Variants in SHROOM4 observed in about 807,000 individuals in gnomAD.
The protein encoded by SHROOM4 is protein Shroom4.
Under a neutral mutation model 80.3 loss-of-function variants are expected in SHROOM4, and 17 were observed. That is an observed-to-expected ratio of 0.21 (90% CI 0.14 to 0.32). The LOEUF (loss-of-function observed/expected upper bound fraction) is 0.32. SHROOM4 is among the 10% of genes least tolerant of loss of function. SHROOM4 has a pLI of 1.00. For synonymous variants in SHROOM4, 400 were observed against 437.5 expected (o/e 0.91, Z 1.07); for missense variants, 993 against 1,140.3 (o/e 0.87, Z 1.86).
At chrX:50,803,619 T>C (rs1936171853) in intron 1 of SHROOM4, among the ~76,000 whole-genome samples, 1 of 111,950 alleles carries the variant, frequency 8.9e-6, no homozygotes. Context: ...CAGCCCACAA[T>C]GAAATCTCTT....
At chrX:50,738,173 G>A (rs1394614450) in intron 1 of SHROOM4, among the ~76,000 whole-genome samples, 1 of 110,783 alleles carries the variant, frequency 9.0e-6, no homozygotes, top group African/African-American at 3.3e-5. Context: ...TTGATGGGAC[G>A]TATCTCAAAA....
At chrX:50,582,491 C>T (rs1404444401), downstream of SHROOM4, among the ~76,000 whole-genome samples, 1 of 111,771 alleles carries the variant, frequency 8.9e-6, no homozygotes, top group Non-Finnish European at 1.9e-5. Context: ...CGGATTGTTC[C>T]CTCTCCTTCT....
chrX:50,651,976 T>G (rs183979134), intron 2 of SHROOM4, among the ~76,000 whole-genome samples: 1 of 111,759 alleles, frequency 8.9e-6, no homozygotes, highest in Non-Finnish European at 1.9e-5. Flanking sequence ...TTTATCCAGT[T>G]TATCATTGAT....
chrX:50,801,716 G>A (rs782619152), intron 1 of SHROOM4, among the ~76,000 whole-genome samples: 2 of 111,879 alleles, frequency 1.8e-5, no homozygotes, highest in South Asian at 3.8e-4. Context: ...CAGGGCTCAC[G>A]CAACAGAGGG....
chrX:50,706,107 T>G (rs1557263945), intron 1 of SHROOM4, among the ~76,000 whole-genome samples: 2 of 110,465 alleles, frequency 1.8e-5, no homozygotes, highest in African/African-American at 6.6e-5. Flanking sequence ...GTACTTACTA[T>G]TCTATCTGTT....
chrX:50,813,789 C>T (rs1936398680), intron 1 of SHROOM4, 113 bp downstream of exon 1: 1 of 557,722 alleles, frequency 1.8e-6, no homozygotes, highest in Non-Finnish European at 3.1e-6. Context: ...GGGTCTTTCG[C>T]TCCCAGCCCT....
intron 1 of SHROOM4, among the ~76,000 whole-genome samples, chrX:50,755,392 C>T: frequency 1.8e-5 from 2 of 112,126 alleles, no homozygotes; most frequent in Non-Finnish European, 3.8e-5. Context: ...GGCAATTACA[C>T]ACTTGTCATT....
At chrX:50,778,830 G>T (rs1161686233) in intron 1 of SHROOM4, among the ~76,000 whole-genome samples, 1 of 111,709 alleles carries the variant, frequency 9.0e-6, no homozygotes, top group Non-Finnish European at 1.9e-5. Flanking sequence ...GAGCTTGCCA[G>T]CCTGAGATCA....
At chrX:50,746,522 T>C (rs1934776308) in intron 1 of SHROOM4, among the ~76,000 whole-genome samples, 1 of 112,030 alleles carries the variant, frequency 8.9e-6, no homozygotes, top group South Asian at 3.8e-4. Context: ...CCCAAGTATA[T>C]GTTTCCAGAC....
chrX:50,697,246 C>T (rs1223711597), intron 1 of SHROOM4, among the ~76,000 whole-genome samples: 3 of 111,246 alleles, frequency 2.7e-5, no homozygotes, highest in Non-Finnish European at 3.8e-5. Flanking sequence ...GGAAAGGGAA[C>T]GTAAGGATAA....
At chrX:50,677,769 C>T (rs975852407) in intron 2 of SHROOM4, among the ~76,000 whole-genome samples, 81 of 111,448 alleles carry the variant, frequency 7.3e-4, no homozygotes, top group African/African-American at 2.6e-3. Context: ...GAAGCCACGT[C>T]CTGGAGATTA....
At chrX:50,627,451 G>A (rs1232288355) in intron 5 of SHROOM4, among the ~76,000 whole-genome samples, 163 bp downstream of exon 5, 2 of 111,064 alleles carry the variant, frequency 1.8e-5, no homozygotes, top group Admixed American at 9.6e-5. Flanking sequence ...CTAGGAGTGC[G>A]GGGGGCAGGG....
chrX:50,585,246 CAA>C (rs1419771896), downstream of SHROOM4, among the ~76,000 whole-genome samples: 1 of 111,629 alleles, frequency 9.0e-6, no homozygotes, highest in African/African-American at 3.3e-5. Flanking sequence ...AAAGTGTAAA[CAA>C]TGATCATATC....
intron 2 of SHROOM4, among the ~76,000 whole-genome samples, chrX:50,645,318 G>A: frequency 8.9e-6 from 1 of 112,003 alleles, no homozygotes. Context: ...TGGGTGTCCG[G>A]CCGCCCTTGC....
At chrX:50,780,618 G>T (rs1382962995) in intron 1 of SHROOM4, among the ~76,000 whole-genome samples, 3 of 111,430 alleles carry the variant, frequency 2.7e-5, no homozygotes, top group Non-Finnish European at 5.7e-5. Context: ...GTCTTCAGGG[G>T]ATTTCATATT....
Position 50,689,916 on chromosome X carries a change from T to A in SHROOM4, c.269+5870A>T, listed in dbSNP as rs190810263. Among the ~76,000 whole-genome samples the A allele has an allele frequency of 4.7e-3, 524 of 112,084 alleles. 4 individuals are homozygous for A. The highest frequency in any genetic ancestry group is 8.6e-3 in the Non-Finnish European group (457 of 53,183). ...GATAGAATATTCTTTCTTAGAGCAGTCTGTCAGGTTTTGGTATCAGAGTAA... is the reference window on the plus strand; with the variant it reads ...GATAGAATATTCTTTCTTAGAGCAGACTGTCAGGTTTTGGTATCAGAGTAA... On this transcript the variant is annotated intron_variant, in intron 2 of 8. Coordinates refer to ENST00000376020, the MANE Select transcript of SHROOM4 (RefSeq NM_020717.5).
At chrX:50,750,958 T>A (rs1453108734) in intron 1 of SHROOM4, among the ~76,000 whole-genome samples, 2 of 112,182 alleles carry the variant, frequency 1.8e-5, no homozygotes, top group African/African-American at 3.2e-5. Flanking sequence ...TGTCACTCCA[T>A]ATTCAACAAT....
intron 5 of SHROOM4, among the ~76,000 whole-genome samples, chrX:50,610,333 T>TTCTCTCTC (rs781880088): frequency 1.4e-4 from 13 of 92,659 alleles, no homozygotes; most frequent in African/African-American, 5.8e-4. Flanking sequence ...ACCTGGCATA[T>TTCTCTCTC]TCTCTCTCTC....
At chrX:50,668,511 C>T (rs7060626) in intron 2 of SHROOM4, among the ~76,000 whole-genome samples, 8,623 of 111,618 alleles carry the variant, frequency 0.077, 841 homozygotes, top group African/African-American at 0.27. Context: ...CTAAAACAAG[C>T]TTAAATATGA....
Sources: allele counts gnomAD v4.1 joint callset (sites outside exome capture counted in the v4.1 genomes callset), GRCh38; gene constraint gnomAD v4.1.1; transcripts MANE v1.5; gene names NCBI Gene and HGNC (gene_info 2026-07-23, HGNC 2026-07-21).